The following SERPINI1 variants were observed in gnomAD, a reference collection of about 807,000 sequenced individuals.
The protein encoded by SERPINI1 is serpin family I member 1.
A neutral mutation model predicts 41.1 loss-of-function variants in SERPINI1; 19 were observed. The ratio of observed to expected loss-of-function variants is 0.46; its 90% confidence interval spans 0.32 to 0.68. The LOEUF is 0.68. Ranked by LOEUF, SERPINI1 falls within the 30% of genes least tolerant of loss-of-function variation. SERPINI1 has a pLI of 0.03. For missense variants in SERPINI1, 460 were observed against 479.2 expected (o/e 0.96, Z 0.37); for synonymous variants, 138 against 156.6 (o/e 0.88, Z 0.89).
At chr3:167,800,774 G>A (rs1256768497) in intron 5 of SERPINI1, among the ~76,000 whole-genome samples, 2 of 144,280 alleles carry the variant, frequency 1.4e-5, no homozygotes, top group Non-Finnish European at 3.0e-5. Flanking sequence ...TACATAAGTC[G>A]TCTGCTTTTT....
At chr3:167,740,359 C>T (rs1438064643) in intron 1 of SERPINI1, among the ~76,000 whole-genome samples, 1 of 152,124 alleles carries the variant, frequency 6.6e-6, no homozygotes, top group Non-Finnish European at 1.5e-5. Context: ...TAGCACTGTG[C>T]CTTGTGTAGA....
intron 1 of SERPINI1, among the ~76,000 whole-genome samples, chr3:167,778,507 T>C (rs1214434282): frequency 6.6e-6 from 1 of 152,146 alleles, no homozygotes; most frequent in Non-Finnish European, 1.5e-5. Context: ...AGTGTCTGTG[T>C]GGGGATCACA....
At chr3:167,815,894 TCTC>T (rs917478528) in intron 6 of SERPINI1, among the ~76,000 whole-genome samples, 2 of 145,674 alleles carry the variant, frequency 1.4e-5, no homozygotes, top group Non-Finnish European at 3.1e-5. Flanking sequence ...TGGATCCCAT[TCTC>T]CTTACTCTTT....
At chr3:167,776,805 T>G (rs1288513246) in intron 1 of SERPINI1, among the ~76,000 whole-genome samples, 5 of 152,230 alleles carry the variant, frequency 3.3e-5, no homozygotes, top group Admixed American at 1.3e-4. Context: ...TCACTGGAGA[T>G]GCACACATAT....
chr3:167,767,066 T>C (rs895088308), intron 1 of SERPINI1, among the ~76,000 whole-genome samples: 2 of 152,210 alleles, frequency 1.3e-5, no homozygotes, highest in Admixed American at 6.5e-5. Context: ...TCTAGGACTT[T>C]CATAGCTGGA....
chr3:167,746,457 C>T (rs567582373), intron 1 of SERPINI1, among the ~76,000 whole-genome samples: 4 of 152,140 alleles, frequency 2.6e-5, no homozygotes, highest in East Asian at 1.9e-4. Flanking sequence ...TCAAAGGACA[C>T]GAGTTGAAAA....
At chr3:167,791,962 T>C (rs1236039684) in intron 3 of SERPINI1, among the ~76,000 whole-genome samples, 4 of 152,088 alleles carry the variant, frequency 2.6e-5, no homozygotes. Context: ...CCATCTCTTC[T>C]AAAAATACAG....
At chr3:167,776,353 C>A (rs1726968381) in intron 1 of SERPINI1, among the ~76,000 whole-genome samples, 1 of 152,168 alleles carries the variant, frequency 6.6e-6, no homozygotes, top group African/African-American at 2.4e-5. Flanking sequence ...TTATGGAAAG[C>A]CCAAATCTTA....
intron 1 of SERPINI1, among the ~76,000 whole-genome samples, chr3:167,754,495 A>G (rs1167254288): frequency 2.0e-5 from 3 of 152,232 alleles, no homozygotes; most frequent in African/African-American, 7.2e-5. Context: ...TTTCTTTAGT[A>G]TATGTACACT....
chr3:167,769,390 G>A (rs1024085499), intron 1 of SERPINI1, among the ~76,000 whole-genome samples: 8 of 152,136 alleles, frequency 5.3e-5, no homozygotes, highest in South Asian at 2.1e-4. Flanking sequence ...TTCTAGGGTA[G>A]GGATTACATA....
chr3:167,782,258 T>C (rs1727157257), intron 1 of SERPINI1, among the ~76,000 whole-genome samples: 1 of 152,218 alleles, frequency 6.6e-6, no homozygotes, highest in Admixed American at 6.5e-5. Flanking sequence ...AATATTGTAA[T>C]ATTTTGGTAC....
intron 1 of SERPINI1, among the ~76,000 whole-genome samples, chr3:167,787,202 C>A (rs1727344487): frequency 6.6e-6 from 1 of 152,166 alleles, no homozygotes; most frequent in African/African-American, 2.4e-5. Flanking sequence ...ACCCATGGAG[C>A]TGTCATCTCC....
chr3:167,794,736 G>T lies in SERPINI1; in HGVS notation c.793G>T (p.Ala265Ser), dbSNP rs755780664. 1.9e-6 allele frequency: 3 copies of T among 1,613,578 alleles called. No homozygotes were observed. In the South Asian group the frequency reaches 3.3e-5, roughly 18 times the overall value. ...GCTGTCCAGACAGGAAGTTCCTCTT[G>T]CTACTCTGGAGCCATTAGTCAAAGC... ...LVLSRQEVPL[A>S]TLEPLVKAQL... Residue 265 changes from alanine to serine, a missense_variant, in exon 5 of 9, where the codon GCT becomes TCT. Coordinates refer to ENST00000446050, the MANE Select transcript of SERPINI1 (RefSeq NM_001122752.2).
intron 1 of SERPINI1, among the ~76,000 whole-genome samples, chr3:167,739,461 T>C (rs1488961837): frequency 1.3e-5 from 2 of 152,210 alleles, no homozygotes; most frequent in Admixed American, 6.5e-5. Flanking sequence ...TTGAGCACAA[T>C]TGGATTCACA....
At chr3:167,798,697 A>G (rs1727794073) in intron 5 of SERPINI1, among the ~76,000 whole-genome samples, 1 of 152,076 alleles carries the variant, frequency 6.6e-6, no homozygotes, top group Non-Finnish European at 1.5e-5. Flanking sequence ...TTTACTTCCT[A>G]TTTTGCTAGA....
At chr3:167,777,804 G>A (rs550286815) in intron 1 of SERPINI1, among the ~76,000 whole-genome samples, 3 of 152,186 alleles carry the variant, frequency 2.0e-5, no homozygotes, top group South Asian at 2.1e-4. Flanking sequence ...AAAAGTTTAC[G>A]TGTTGGAAAC....
intron 1 of SERPINI1, among the ~76,000 whole-genome samples, chr3:167,744,171 A>G (rs541429396): frequency 6.6e-6 from 1 of 152,210 alleles, no homozygotes; most frequent in Non-Finnish European, 1.5e-5. Flanking sequence ...CATTAGCTAT[A>G]TGATATTCAG....
chr3:167,744,716 TA>T lies in SERPINI1; in HGVS notation c.-19+8894del, dbSNP rs1430424926. ...CATATATAAATATATATAAAATATA[TA>T]TAAATATATAAATATATATATTATA... On this transcript the variant is annotated intron_variant, in intron 1 of 8. Coordinates refer to ENST00000446050, the MANE Select transcript of SERPINI1 (RefSeq NM_001122752.2). Among the ~76,000 whole-genome samples the T allele has an allele frequency of 2.4e-3, 311 of 127,832 alleles. 1 individual carries two copies. Among genetic ancestry groups the T allele is most frequent in the African/African-American group, 8.9e-3 (301 of 33,988 alleles). The allele number at this position is 127,832 out of a possible 152,430, so 83.9% of individuals were successfully genotyped here.
At chr3:167,768,913 T>C (rs1047702193) in intron 1 of SERPINI1, among the ~76,000 whole-genome samples, 5 of 152,216 alleles carry the variant, frequency 3.3e-5, no homozygotes, top group Non-Finnish European at 5.9e-5. Context: ...GCAGACCAGC[T>C]TTTTTTATGG....
Sources: allele counts gnomAD v4.1 joint callset (sites outside exome capture counted in the v4.1 genomes callset), GRCh38; gene constraint gnomAD v4.1.1; transcripts MANE v1.5; gene names NCBI Gene and HGNC (gene_info 2026-07-23, HGNC 2026-07-21).